Variants in RGS3 observed in about 807,000 individuals in gnomAD.
RGS3 encodes the protein regulator of G protein signaling 3, also known as regulator of G-protein signalling 3.
In RGS3, 80 loss-of-function variants were observed where a neutral mutation model predicts 132.6. The observed-to-expected ratio is 0.60, with a 90% CI of 0.50 to 0.73. The LOEUF is 0.73. RGS3 is among the 30% of genes least tolerant of loss of function. RGS3 has a pLI of 0.00. For synonymous variants in RGS3, 598 were observed against 620.6 expected, an observed-to-expected ratio of 0.96 and a Z score of 0.54; for missense variants, 1,382 against 1,530.8, an observed-to-expected ratio of 0.90 and a Z score of 1.62.
intron 19 of RGS3, chr9:113,541,484 C>G: frequency 6.3e-7 from 1 of 1,594,596 alleles, no homozygotes; most frequent in South Asian, 1.1e-5. Context: ...TGGGCATCCC[C>G]TACCACACAG....
At position 113,569,635 on chromosome 9, in the gene RGS3, T is replaced by TTCCTTCCTTCCC. The variant is rs1564584295; in HGVS notation, c.2038-13808_2038-13807insTTCCCTCCTTCC. Among the ~76,000 whole-genome samples, 8 of 146,588 alleles carry TTCCTTCCTTCCC rather than the reference T, an allele frequency of 5.5e-5. No homozygotes were observed. In the East Asian group the frequency reaches 1.4e-3, roughly 26 times the overall value. ...CTTCCTTCCTTCCTTCCTTCCTTCC[T>TTCCTTCCTTCCC]TCCTTCCCTCCTTCCTTCCATGTGT... On this transcript the variant is annotated intron_variant, in intron 19 of 24. Coordinates refer to ENST00000350696, the Ensembl canonical transcript of RGS3.
At chr9:113,469,220 G>C (rs755777623) in intron 3 of RGS3, among the ~76,000 whole-genome samples, 1 of 152,208 alleles carries the variant, frequency 6.6e-6, no homozygotes, top group Middle Eastern at 3.4e-3. Context: ...GTGTTGGGCA[G>C]TGCACGGTCA....
intron 18 of RGS3, chr9:113,536,569 C>G (rs935974461): frequency 2.4e-5 from 33 of 1,347,050 alleles, no homozygotes; most frequent in Non-Finnish European, 3.1e-5. Context: ...CTCCCCTCCC[C>G]CAACCTGTGG....
intron 19 of RGS3, among the ~76,000 whole-genome samples, chr9:113,573,371 A>G (rs1237195174): frequency 6.6e-6 from 1 of 152,156 alleles, no homozygotes; most frequent in Non-Finnish European, 1.5e-5. Context: ...TGTGGAGAGG[A>G]AGGCAAGGAG....
intron 19 of RGS3, among the ~76,000 whole-genome samples, chr9:113,575,767 C>G (rs1019489587): frequency 3.3e-5 from 5 of 152,190 alleles, no homozygotes; most frequent in African/African-American, 9.6e-5. Context: ...GGCCTTACTC[C>G]TAGGGACTGT....
intron 19 of RGS3, among the ~76,000 whole-genome samples, chr9:113,548,439 A>G (rs1021708159): frequency 3.3e-5 from 5 of 152,224 alleles, no homozygotes; most frequent in African/African-American, 9.6e-5. Flanking sequence ...AGCAGAATGA[A>G]TGGGGCTGCT....
chr9:113,470,555 A>T (rs1215858684), intron 3 of RGS3, among the ~76,000 whole-genome samples: 1 of 152,228 alleles, frequency 6.6e-6, no homozygotes, highest in Non-Finnish European at 1.5e-5. Context: ...CCTGATATTA[A>T]CATAGCTAAC....
intron 19 of RGS3, chr9:113,570,331 G>A (rs1834231196): frequency 6.6e-6 from 1 of 152,220 alleles, no homozygotes; most frequent in Non-Finnish European, 1.5e-5. Context: ...AGGAGGCAGC[G>A]CGGCAGCGTT....
intron 19 of RGS3, among the ~76,000 whole-genome samples, chr9:113,573,610 A>C (rs146202589): frequency 6.6e-6 from 1 of 152,226 alleles, no homozygotes; most frequent in African/African-American, 2.4e-5. Flanking sequence ...TTAACCTAGC[A>C]GAAAACATCA....
Position 113,479,651 on chromosome 9 carries a change from A to C in RGS3, c.466+110A>C, listed in dbSNP as rs936970446. ...ACCATGGGCCAAGGCTTCTTTTCTC[A>C]TCCTTGTATAAAGGATGTGTCCATT... On this transcript the variant is annotated intron_variant, in intron 4 of 24. Coordinates refer to ENST00000350696, the Ensembl canonical transcript of RGS3. The C allele has an allele frequency of 2.0e-5, 19 of 954,012 alleles. No homozygotes were observed. The East Asian group carries it at 2.1e-4, about 11-fold the overall frequency. The allele number at this position is 954,012 out of a possible 1,614,324, so 59.1% of individuals were successfully genotyped here.
chr9:113,595,734 C>T (rs1158188052), exon 24 of RGS3: 5 of 1,613,996 alleles, frequency 3.1e-6, no homozygotes, highest in Non-Finnish European at 4.2e-6. Context: ...AAGATCTTTG[C>T]TGAATACATC....
At chr9:113,483,241 ATCT>A in intron 5 of RGS3, 124 bp downstream of exon 3, 1 of 695,258 alleles carries the variant, frequency 1.4e-6, no homozygotes, top group South Asian at 1.7e-5. Flanking sequence ...CATCTCACTC[ATCT>A]TCTCAATAGG....
At chr9:113,536,820 G>A (rs1340477723) in exon 19 of RGS3, 1 of 1,614,128 alleles carries the variant, frequency 6.2e-7, no homozygotes, top group Admixed American at 1.7e-5. Context: ...ATTCACTTTG[G>A]AAGCGCACTC....
chr9:113,574,216 C>T (rs1173944833), intron 19 of RGS3, among the ~76,000 whole-genome samples: 1 of 152,216 alleles, frequency 6.6e-6, no homozygotes, highest in Non-Finnish European at 1.5e-5. Flanking sequence ...GTAAACATTG[C>T]TTTCAGGGTA....
chr9:113,496,843 G>A (rs879583073), intron 8 of RGS3, among the ~76,000 whole-genome samples: 7 of 152,064 alleles, frequency 4.6e-5, no homozygotes, highest in Admixed American at 2.6e-4. Context: ...GAGCCACCGC[G>A]CCCGGTCTAG....
rs746112974 is a variant in RGS3 at position 113,584,471 on chromosome 9, G to A, written c.3015+44G>A. ...GAGGGAGAAGGATACATGCAATGTGGGGAGGGCTGGCCCAGGGGCTGCAGG... is the reference window on the plus strand; with the variant it reads ...GAGGGAGAAGGATACATGCAATGTGAGGAGGGCTGGCCCAGGGGCTGCAGG... On this transcript the variant is annotated intron_variant, in intron 20 of 24. Coordinates refer to ENST00000350696, the Ensembl canonical transcript of RGS3. 36 of 1,488,378 alleles carry A rather than the reference G, an allele frequency of 2.4e-5. No homozygotes were observed. In the East Asian group the frequency reaches 6.0e-4, roughly 25 times the overall value. The allele number at this position is 1,488,378 out of a possible 1,614,324, so 92.2% of individuals were successfully genotyped here.
chr9:113,496,193 C>T (rs1030736831), intron 8 of RGS3, among the ~76,000 whole-genome samples: 8 of 152,140 alleles, frequency 5.3e-5, no homozygotes, highest in African/African-American at 1.2e-4. Context: ...CAGGTGCACC[C>T]GTGGTCCGTT....
In RGS3 at chr9:113,565,416, GGAGGAGGAA is replaced by G; in HGVS notation, c.2038-18025_2038-18017del. On this transcript the variant is annotated intron_variant, in intron 19 of 24. Transcript: ENST00000350696. The surrounding 1 kb of genome is among the most constrained non-coding windows in gnomAD (Gnocchi z 5.7). ...AGGAAGAGGAGGAGGACAAGTAGGA[GGAGGAGGAA>G]GAGGAGGAGGGACGGGTGATGCAAG... The G allele has an allele frequency of 7.8e-7, 1 of 1,282,564 alleles. No homozygotes were observed. The highest frequency in any genetic ancestry group is 1.0e-6 in the Non-Finnish European group (1 of 982,014). The allele number at this position is 1,282,564 out of a possible 1,614,324, so 79.4% of individuals were successfully genotyped here.
chr9:113,471,974 GA>G (rs1161936832), intron 3 of RGS3, among the ~76,000 whole-genome samples: 2 of 152,090 alleles, frequency 1.3e-5, no homozygotes, highest in Admixed American at 1.3e-4. Flanking sequence ...TAAAGGATTT[GA>G]ATAGACATTT....
Sources: allele counts gnomAD v4.1 joint callset (sites outside exome capture counted in the v4.1 genomes callset), GRCh38; gene constraint gnomAD v4.1.1; non-coding constraint Gnocchi (gnomAD v3.1); transcripts MANE v1.5; gene names NCBI Gene and HGNC (gene_info 2026-07-23, HGNC 2026-07-21).